Variants in IWS1 observed in about 807,000 individuals in gnomAD.
IWS1 encodes the protein interacts with SUPT6H, CTD assembly factor 1.
A neutral mutation model predicts 86.7 loss-of-function variants in IWS1; 27 were observed. That is an observed-to-expected ratio of 0.31 (90% confidence interval 0.23 to 0.43). The LOEUF (loss-of-function observed/expected upper bound fraction) is 0.43, where lower values mean the gene tolerates loss of function less well. Ranked by LOEUF, IWS1 falls within the 20% of genes least tolerant of loss-of-function variation. The pLI is 1.00. For synonymous variants in IWS1, 313 were observed against 335.1 expected, an observed-to-expected ratio of 0.93 and a Z score of 0.72; for missense variants, 827 against 1,000.8, an observed-to-expected ratio of 0.83 and a Z score of 2.34.
In IWS1 at chr2:127,488,995, T is replaced by C. The variant is rs75113434; in HGVS notation, c.2216+184A>G. On this transcript the variant is annotated intron_variant, in intron 12 of 13. Coordinates refer to ENST00000295321, the MANE Select transcript of IWS1 (RefSeq NM_017969.3). ...AATAAAATCTTTATTGAATGAATTA[T>C]TTTCTCAATTTTCCTTACATCCCCA... is the stretch of plus-strand genomic sequence containing the variant. Among the ~76,000 whole-genome samples the C allele has an allele frequency of 9.0e-3, 1,366 of 152,324 alleles. 19 individuals carry two copies. Among genetic ancestry groups the C allele is most frequent in the African/African-American group, 0.031 (1,298 of 41,572 alleles).
In IWS1 at chr2:127,526,380, G is replaced by A; in HGVS notation, c.-172C>T. 3 of 1,536,378 alleles carry A rather than the reference G, an allele frequency of 2.0e-6. No individual in the cohort carries two copies. Among genetic ancestry groups the A allele is most frequent in the Non-Finnish European group, 2.6e-6 (3 of 1,146,318 alleles). ...CGGTAGCGGCAAAGGCGAATTCTTTGACCTGGAAGCCCCGGCGGAAAAGGC... is the reference window on the plus strand; with the variant it reads ...CGGTAGCGGCAAAGGCGAATTCTTTAACCTGGAAGCCCCGGCGGAAAAGGC... On this transcript the variant is annotated 5_prime_UTR_variant, in exon 1 of 14. The change creates a premature stop within an existing upstream ORF in the 5' untranslated region. Coordinates refer to ENST00000295321, the MANE Select transcript of IWS1 (RefSeq NM_017969.3).
chr2:127,493,255 G>T, intron 9 of IWS1, 26 bp downstream of exon 9: 3 of 1,595,232 alleles, frequency 1.9e-6, no homozygotes, highest in Non-Finnish European at 2.6e-6. Flanking sequence ...AATTAATAAA[G>T]AACAGTCAGA....
At chr2:127,481,325 G>T in intron 13 of IWS1, 150 bp from the exon 14 acceptor site, 1 of 614,120 alleles carries the variant, frequency 1.6e-6, no homozygotes. Flanking sequence ...GAACAACAAA[G>T]CAAGTATAGA....
At chr2:127,481,484 T>C (rs1373417462) in intron 13 of IWS1, among the ~76,000 whole-genome samples, 2 of 152,162 alleles carry the variant, frequency 1.3e-5, no homozygotes, top group African/African-American at 4.8e-5. Flanking sequence ...AATTCCATCA[T>C]GTACATTACG....
At chr2:127,525,488 G>A (rs1021272426) in intron 1 of IWS1, among the ~76,000 whole-genome samples, 1 of 152,140 alleles carries the variant, frequency 6.6e-6, no homozygotes, top group African/African-American at 2.4e-5. Flanking sequence ...GCCCCAACAG[G>A]ACTAGCACAC....
chr2:127,485,698 T>G (rs1190068807), intron 13 of IWS1, among the ~76,000 whole-genome samples: 1 of 152,186 alleles, frequency 6.6e-6, no homozygotes, highest in Non-Finnish European at 1.5e-5. Context: ...GACTTCCATG[T>G]CAATTTCTAA....
chr2:127,526,626 A>G, upstream of IWS1: 1 of 1,341,422 alleles, frequency 7.5e-7, no homozygotes, highest in Non-Finnish European at 9.9e-7. Context: ...CTCGGGCTTT[A>G]GTTAAATACC....
chr2:127,504,765 C>A lies in IWS1; in HGVS notation c.1138G>T (p.Asp380Tyr). The A allele has an allele frequency of 6.2e-7, 1 of 1,614,098 alleles. No individual in the cohort carries two copies. The highest frequency in any genetic ancestry group is 8.5e-7 in the Non-Finnish European group (1 of 1,180,002). The change falls in exon 3 of 14, where the codon GAT becomes TAT. Residue 380 changes from aspartate (D) to tyrosine (Y), a missense_variant. Coordinates refer to ENST00000295321, the MANE Select transcript of IWS1 (RefSeq NM_017969.3). ...TTCTCCTCCTCACCCTCTTTTTCAT[C>A]TTCATCACTGTCCATTTTTTGCTTT... is the stretch of plus-strand genomic sequence containing the variant. ...HKKQKMDSDE[D>Y]EKEGEEEKVA...
intron 2 of IWS1, among the ~76,000 whole-genome samples, chr2:127,508,955 A>G (rs1179814824): frequency 1.3e-5 from 2 of 152,208 alleles, no homozygotes; most frequent in Non-Finnish European, 2.9e-5. Flanking sequence ...TAGCATTCCA[A>G]AACAAACCCT....
At chr2:127,527,225 C>T (rs548913915), upstream of IWS1, among the ~76,000 whole-genome samples, 43 of 152,292 alleles carry the variant, frequency 2.8e-4, no homozygotes, top group Non-Finnish European at 5.7e-4. Flanking sequence ...CCCTTGTTTG[C>T]CTGTGACAAG....
chr2:127,487,588 T>C (rs545298011), intron 12 of IWS1, among the ~76,000 whole-genome samples: 593 of 152,342 alleles, frequency 3.9e-3, no homozygotes, highest in Middle Eastern at 0.014. Flanking sequence ...TCTCGCTCTG[T>C]TGCCCGGGCT....
chr2:127,488,181 C>T (rs749873613), intron 12 of IWS1: 1 of 152,484 alleles, frequency 6.6e-6, no homozygotes, highest in Admixed American at 6.5e-5. Flanking sequence ...CTCTGCCTGG[C>T]TATGCCCCCT....
chr2:127,489,977 T>C lies in IWS1; in HGVS notation c.2048-34A>G, dbSNP rs1320478381. 1 of 1,193,190 alleles carries C rather than the reference T, an allele frequency of 8.4e-7. No homozygotes were observed. The highest frequency in any genetic ancestry group is 1.3e-6 in the Non-Finnish European group (1 of 799,220). The allele number at this position is 1,193,190 out of a possible 1,614,324, so 73.9% of individuals were successfully genotyped here. On this transcript the variant is annotated intron_variant, in intron 10 of 13. Coordinates refer to ENST00000295321, the MANE Select transcript of IWS1 (RefSeq NM_017969.3). The surrounding 1 kb of genome is among the most constrained non-coding windows in gnomAD (Gnocchi z 4.8). Reference sequence around the variant, plus strand: ...AGAAAAAAATCAATTATTTTGTCCATAAAATTGCATTTCCATTTTTTTCAA... The same window carrying C: ...AGAAAAAAATCAATTATTTTGTCCACAAAATTGCATTTCCATTTTTTTCAA...
intron 3 of IWS1, 47 bp downstream of exon 3, chr2:127,504,637 A>G (rs777784001): frequency 7.7e-7 from 1 of 1,303,838 alleles, no homozygotes; most frequent in Admixed American, 2.0e-5. Flanking sequence ...TTACAAGCTT[A>G]GACAATGAAT....
chr2:127,515,477 A>G (rs543320118), intron 2 of IWS1, among the ~76,000 whole-genome samples: 1 of 152,330 alleles, frequency 6.6e-6, no homozygotes, highest in African/African-American at 2.4e-5. Context: ...AAAGAGCTCA[A>G]TGGGCCCAAT....
In IWS1 at chr2:127,499,223, T is replaced by TG; in HGVS notation, c.1468-987dup. On this transcript the variant is annotated intron_variant, in intron 5 of 13. Coordinates refer to ENST00000295321, the MANE Select transcript of IWS1 (RefSeq NM_017969.3). The surrounding 1 kb of genome is among the most constrained non-coding windows in gnomAD (Gnocchi z 4.0). Reference sequence around the variant, plus strand: ...CTCCTGCCTCAGCCTTCTGAGTAGCTGGGACTACAGGCGCCTGCCACCATG... The same window carrying TG: ...CTCCTGCCTCAGCCTTCTGAGTAGCTGGGGACTACAGGCGCCTGCCACCATG... 6.6e-6 allele frequency among the ~76,000 whole-genome samples: 1 copy of TG among 151,946 alleles called. No homozygotes were observed.
rs761789933 is a variant in IWS1, at chr2:127,489,281, A to G, written c.2160-46T>C. On this transcript the variant is annotated intron_variant, in intron 11 of 13. Coordinates refer to ENST00000295321, the MANE Select transcript of IWS1 (RefSeq NM_017969.3). This position sits in a 1 kb window ranked among gnomAD's most constrained non-coding sequence, Gnocchi z 4.8. ...GAGATACCAGGAATATTAGAACCTA[A>G]TAACTCAGAAAAAGAGCAAACTAAA... The G allele has an allele frequency of 4.3e-6, 6 of 1,409,728 alleles. No individual in the cohort carries two copies. Among genetic ancestry groups the G allele is most frequent in the East Asian group, 2.3e-5 (1 of 43,930 alleles). 87.3% of individuals were successfully genotyped at this position (1,409,728 alleles called of 1,614,324 possible). A position where few individuals can be genotyped will look rare whatever the true frequency, so the allele number is the denominator to read the frequency against.
rs115582518 is a variant in IWS1 at position 127,522,751 on chromosome 2, C to A, written c.150+925G>T. On this transcript the variant is annotated intron_variant, in intron 2 of 13. Coordinates refer to ENST00000295321, the MANE Select transcript of IWS1 (RefSeq NM_017969.3). ...TTCAGTCGTATCTACCAAAGACTTA[C>A]GGCGAACTTATTGAAAAATTTCCCA... Among the ~76,000 whole-genome samples, 1,174 of 152,252 alleles carry A rather than the reference C, an allele frequency of 7.7e-3. 20 individuals are homozygous for A. Among genetic ancestry groups the A allele is most frequent in the African/African-American group, 0.027 (1,119 of 41,528 alleles).
chr2:127,489,848 G>A lies in IWS1; in HGVS notation c.2143C>T (p.Arg715Ter), dbSNP rs757568675. 1.2e-6 allele frequency: 2 copies of A among 1,601,260 alleles called. No individual in the cohort carries two copies. Among genetic ancestry groups the A allele is most frequent in the South Asian group, 1.1e-5 (1 of 90,822 alleles). ...EQRDLEQMPQRRRMNSTGGQT... is the reference protein window; with the variant it reads ...EQRDLEQMPQ ...CCCTCATACCTGTTCATTCTTCGTC[G>A]TTGAGGCATCTGTTCTAGATCTCTC... Residue 715 changes from arginine to a stop codon, truncating the protein, a stop_gained, in exon 11 of 14, where the codon CGA (arginine) becomes TGA (stop). Transcript: ENST00000295321. LOFTEE classifies it high-confidence loss of function. This position sits in a 1 kb window ranked among gnomAD's most constrained non-coding sequence, Gnocchi z 4.8.
Sources: allele counts gnomAD v4.1 joint callset (sites outside exome capture counted in the v4.1 genomes callset), GRCh38; gene constraint gnomAD v4.1.1; non-coding constraint Gnocchi (gnomAD v3.1); transcripts MANE v1.5; gene names NCBI Gene and HGNC (gene_info 2026-07-23, HGNC 2026-07-21).